The following CLVS2 variants were observed in gnomAD, a reference collection of about 807,000 sequenced individuals.
The protein encoded by CLVS2 is clavesin 2.
Under a neutral mutation model 29.0 loss-of-function variants are expected in CLVS2, and 19 were observed. That is an observed-to-expected ratio of 0.66 (90% CI 0.46 to 0.96). The LOEUF is 0.96. Ranked by LOEUF, CLVS2 falls within the 40% of genes least tolerant of loss-of-function variation. The pLI is 0.00. For synonymous variants in CLVS2, 161 were observed against 151.3 expected, an observed-to-expected ratio of 1.06 and a Z score of -0.47; for missense variants, 294 against 404.1, an observed-to-expected ratio of 0.73 and a Z score of 2.34.
At chr6:123,051,494 C>G (rs1248213856) in intron 4 of CLVS2, among the ~76,000 whole-genome samples, 1 of 152,116 alleles carries the variant, frequency 6.6e-6, no homozygotes, top group African/African-American at 2.4e-5. Context: ...GGTATCTTTG[C>G]AAAAGCTAAA....
chr6:123,027,162 G>A (rs565678505), intron 3 of CLVS2, among the ~76,000 whole-genome samples: 2 of 152,278 alleles, frequency 1.3e-5, no homozygotes, highest in Middle Eastern at 3.4e-3. Flanking sequence ...GGGTCAAAAT[G>A]TGATGCACTT....
intron 2 of CLVS2, among the ~76,000 whole-genome samples, chr6:123,009,627 C>T (rs923449755): frequency 6.6e-6 from 1 of 151,998 alleles, no homozygotes. Context: ...CACTCCCCTC[C>T]CCATCCTGCC....
At chr6:123,048,506 C>A in intron 3 of CLVS2, 116 bp from the exon 4 acceptor site, 2 of 652,254 alleles carry the variant, frequency 3.1e-6, no homozygotes, top group South Asian at 2.2e-5. Flanking sequence ...CTTAACTCCA[C>A]AGATAATCTC....
intron 3 of CLVS2, among the ~76,000 whole-genome samples, chr6:123,020,825 T>C (rs931926860): frequency 6.6e-6 from 1 of 152,078 alleles, no homozygotes; most frequent in Non-Finnish European, 1.5e-5. Flanking sequence ...AACTTTCCTC[T>C]TGGGAATATT....
At chr6:123,054,372 G>A (rs1197873561) in intron 4 of CLVS2, among the ~76,000 whole-genome samples, 2 of 152,102 alleles carry the variant, frequency 1.3e-5, no homozygotes, top group Admixed American at 6.5e-5. Flanking sequence ...GTGTACTTTG[G>A]GGCAGATGGC....
At chr6:123,033,507 C>T (rs1364881087) in intron 3 of CLVS2, among the ~76,000 whole-genome samples, 1 of 151,970 alleles carries the variant, frequency 6.6e-6, no homozygotes, top group African/African-American at 2.4e-5. Context: ...TGGAAAAGCA[C>T]AGGCAAATGA....
intron 3 of CLVS2, among the ~76,000 whole-genome samples, chr6:123,011,853 C>T (rs1157351126): frequency 2.0e-5 from 3 of 151,898 alleles, no homozygotes; most frequent in Non-Finnish European, 4.4e-5. Flanking sequence ...ACTTTGTGTA[C>T]AATGCTTATG....
rs547737069 is a variant in CLVS2 at position 123,063,653 on chromosome 6, C to T, written c.897-21C>T. 2.9e-5 allele frequency: 42 copies of T among 1,435,528 alleles called. 1 individual carries two copies. The highest frequency in any genetic ancestry group is 1.7e-4 in the Middle Eastern group (1 of 5,764). The allele number at this position is 1,435,528 out of a possible 1,614,324, so 88.9% of individuals were successfully genotyped here. A position where few individuals can be genotyped will look rare whatever the true frequency, so the allele number is the denominator to read the frequency against. ...CAATTACCTGGTAATAACTCACTGA[C>T]GTTGGCTTTATCCTTTCCAGATCTC... On this transcript the variant is annotated intron_variant, in intron 5 of 5. Coordinates refer to ENST00000275162, the MANE Select transcript of CLVS2 (RefSeq NM_001010852.4).
chr6:123,043,233 G>C (rs1331697845), intron 3 of CLVS2, among the ~76,000 whole-genome samples: 1 of 152,066 alleles, frequency 6.6e-6, no homozygotes, highest in African/African-American at 2.4e-5. Flanking sequence ...GATTCTTAGA[G>C]TATTGTGTCT....
At chr6:123,017,533 T>C (rs575994775) in intron 3 of CLVS2, among the ~76,000 whole-genome samples, 1 of 152,250 alleles carries the variant, frequency 6.6e-6, no homozygotes, top group South Asian at 2.1e-4. Flanking sequence ...CATAGCTGAC[T>C]GAGCTAAGTG....
At chr6:123,006,179 G>A (rs1327287493) in intron 2 of CLVS2, among the ~76,000 whole-genome samples, 1 of 152,190 alleles carries the variant, frequency 6.6e-6, no homozygotes, top group Non-Finnish European at 1.5e-5. Flanking sequence ...CCAGAGGAGG[G>A]CAGAACTTAG....
intron 3 of CLVS2, among the ~76,000 whole-genome samples, chr6:123,046,308 C>T (rs1772508345): frequency 1.3e-5 from 2 of 152,140 alleles, no homozygotes. Context: ...TTTGCATGTT[C>T]ATGTTTTTCA....
intron 3 of CLVS2, among the ~76,000 whole-genome samples, chr6:123,031,192 A>G (rs1775078716): frequency 6.6e-6 from 1 of 152,076 alleles, no homozygotes; most frequent in African/African-American, 2.4e-5. Context: ...ACTGTTCTCA[A>G]ACTCCTGGGT....
intron 3 of CLVS2, among the ~76,000 whole-genome samples, chr6:123,029,633 A>T (rs1775054406): frequency 1.3e-5 from 2 of 150,510 alleles, no homozygotes; most frequent in African/African-American, 4.9e-5. Context: ...ATGCCACTGT[A>T]AAAAAAAATA....
chr6:123,017,440 A>T (rs1023608900), intron 3 of CLVS2, among the ~76,000 whole-genome samples: 1 of 152,172 alleles, frequency 6.6e-6, no homozygotes, highest in South Asian at 2.1e-4. Flanking sequence ...TTATTTCTAC[A>T]TTTTGTATGC....
intron 3 of CLVS2, among the ~76,000 whole-genome samples, chr6:123,040,762 C>G (rs923789148): frequency 9.1e-5 from 8 of 88,074 alleles, no homozygotes; most frequent in Non-Finnish European, 1.7e-4. Context: ...AGTGAGACTC[C>G]GTCTCAAAAA....
At chr6:123,017,493 T>TA (rs1774855196) in intron 3 of CLVS2, among the ~76,000 whole-genome samples, 1 of 152,040 alleles carries the variant, frequency 6.6e-6, no homozygotes, top group Non-Finnish European at 1.5e-5. Context: ...GGGTAGTGTG[T>TA]AAAAAAAGTG....
intron 5 of CLVS2, among the ~76,000 whole-genome samples, chr6:123,058,183 G>A (rs548758038): frequency 1.2e-4 from 18 of 152,138 alleles, no homozygotes; most frequent in Admixed American, 3.3e-4. Context: ...CACAACAACC[G>A]TGTTAAACAG....
At position 123,064,492 on chromosome 6, in the gene CLVS2, TA is replaced by T; in HGVS notation, c.*732del. 6.6e-6 allele frequency: 1 copy of T among 152,038 alleles called. No homozygotes were observed. Among genetic ancestry groups the T allele is most frequent in the East Asian group, 1.9e-4 (1 of 5,172 alleles). 9.4% of individuals were successfully genotyped at this position (152,038 alleles called of 1,614,324 possible). On this transcript the variant is annotated 3_prime_UTR_variant, in exon 6 of 6. Coordinates refer to ENST00000275162, the MANE Select transcript of CLVS2 (RefSeq NM_001010852.4). ...ATTGCTGTCTTCACAATGTGCCCTT[TA>T]TTCAAGACCCTATTATATTTCTTCC...
Sources: allele counts gnomAD v4.1 joint callset (sites outside exome capture counted in the v4.1 genomes callset), GRCh38; gene constraint gnomAD v4.1.1; transcripts MANE v1.5; gene names NCBI Gene and HGNC (gene_info 2026-07-23, HGNC 2026-07-21).